IL12RB2: variants seen among roughly 807,000 people sequenced by gnomAD.
IL12RB2 encodes the protein interleukin 12 receptor subunit beta 2.
Under a neutral mutation model 89.4 loss-of-function variants are expected in IL12RB2, and 82 were observed. The ratio of observed to expected loss-of-function variants is 0.92; its 90% CI spans 0.77 to 1.10. The LOEUF (loss-of-function observed/expected upper bound fraction) is 1.10, where lower values mean the gene tolerates loss of function less well. Among genes scored for constraint, IL12RB2 ranks in the 50% least tolerant of loss-of-function variants. The pLI is 0.00. For synonymous variants in IL12RB2, 368 were observed against 370.1 expected (o/e 0.99, Z 0.07); for missense variants, 963 against 1,031.9 (o/e 0.93, Z 0.92).
intron 2 of IL12RB2, among the ~76,000 whole-genome samples, chr1:67,319,263 T>C (rs1288966060): frequency 6.6e-6 from 1 of 152,256 alleles, no homozygotes; most frequent in Non-Finnish European, 1.5e-5. Flanking sequence ...ACTTTATGAA[T>C]TTTTGGCCTA....
intron 6 of IL12RB2, among the ~76,000 whole-genome samples, chr1:67,329,001 A>G (rs1015005419): frequency 6.6e-6 from 1 of 152,114 alleles, no homozygotes; most frequent in East Asian, 1.9e-4. Context: ...ACCTCACACT[A>G]TGTGCTTCTC....
At chr1:67,312,967 G>A (rs3790559) in intron 1 of IL12RB2, among the ~76,000 whole-genome samples, 18,729 of 152,286 alleles carry the variant, frequency 0.12, 1,315 homozygotes, top group East Asian at 0.17. Context: ...AAAAGGTTAT[G>A]CATTTTACTT....
At chr1:67,350,800 T>C in intron 9 of IL12RB2, 70 bp from the exon 10 acceptor site, 10 of 1,591,506 alleles carry the variant, frequency 6.3e-6, no homozygotes, top group Non-Finnish European at 8.6e-6. Context: ...TCTGTACCCA[T>C]GAGGTCCAGG....
intron 15 of IL12RB2, among the ~76,000 whole-genome samples, chr1:67,388,251 G>A (rs1294021824): frequency 2.0e-5 from 3 of 152,148 alleles, no homozygotes; most frequent in Non-Finnish European, 2.9e-5. Flanking sequence ...GTGCATTGTC[G>A]TCCTAGTAAA....
At chr1:67,332,747 C>A (rs1056690456) in intron 8 of IL12RB2, among the ~76,000 whole-genome samples, 3 of 152,012 alleles carry the variant, frequency 2.0e-5, no homozygotes, top group Non-Finnish European at 4.4e-5. Context: ...TATTTTATAT[C>A]CAAGTTCAAG....
intron 16 of IL12RB2, among the ~76,000 whole-genome samples, chr1:67,392,207 G>T (rs1665905984): frequency 6.6e-6 from 1 of 152,116 alleles, no homozygotes; most frequent in Non-Finnish European, 1.5e-5. Flanking sequence ...GTATACATAT[G>T]CCCAAAGTTG....
intron 6 of IL12RB2, among the ~76,000 whole-genome samples, 196 bp downstream of exon 6, chr1:67,328,580 T>C (rs1383188422): frequency 6.6e-6 from 1 of 152,160 alleles, no homozygotes; most frequent in Non-Finnish European, 1.5e-5. Flanking sequence ...CTATACAAAG[T>C]GGGATGTTCA....
rs371931786 is a variant in IL12RB2 at position 67,372,604 on chromosome 1, C to T, written c.1559-21C>T. The T allele has an allele frequency of 3.9e-5, 63 of 1,612,986 alleles. No homozygotes were observed. The African/African-American group carries it at 5.3e-4, about 14-fold the overall frequency. On this transcript the variant is annotated intron_variant, in intron 12 of 16. Transcript: ENST00000674203. ...TTTGGATTTGGAGGGTGACAGAAGC[C>T]TCCTGTGCCCTACTTTACAGCACCA...
At chr1:67,388,154 C>T (rs539628812) in intron 15 of IL12RB2, among the ~76,000 whole-genome samples, 28 of 152,080 alleles carry the variant, frequency 1.8e-4, no homozygotes, top group African/African-American at 6.0e-4. Context: ...CAGCCTAAAA[C>T]GGCAATAAGA....
At position 67,395,661 on chromosome 1, in the gene IL12RB2, C is replaced by A. The variant is rs1183327683; in HGVS notation, c.2161C>A (p.Pro721Thr). Residue 721 changes from proline to threonine, a missense_variant, in exon 17 of 17, where the codon CCC becomes ACC. Transcript: ENST00000674203. ...LHQVTPVFRH[P>T]PCSNWPQREK... ...TCAAGTGACCCCAGTTTTCAGACAT[C>A]CCCCCTGCTCCAACTGGCCACAAAG... 1 of 1,613,992 alleles carries A rather than the reference C, an allele frequency of 6.2e-7. No homozygotes were observed. Among genetic ancestry groups the A allele is most frequent in the Non-Finnish European group, 8.5e-7 (1 of 1,179,972 alleles).
chr1:67,346,317 A>G (rs975688916), intron 9 of IL12RB2, among the ~76,000 whole-genome samples: 2 of 151,998 alleles, frequency 1.3e-5, no homozygotes, highest in African/African-American at 4.8e-5. Flanking sequence ...GCTAGTGGGA[A>G]AATAGATCCT....
At chr1:67,371,780 C>T (rs749945749) in intron 11 of IL12RB2, among the ~76,000 whole-genome samples, 1 of 152,160 alleles carries the variant, frequency 6.6e-6, no homozygotes, top group African/African-American at 2.4e-5. Flanking sequence ...TTTAAATCTT[C>T]CAGGCTGGGA....
At chr1:67,342,627 GTGTGAGGA>G (rs1471544965) in intron 9 of IL12RB2, among the ~76,000 whole-genome samples, 1 of 152,062 alleles carries the variant, frequency 6.6e-6, no homozygotes, top group African/African-American at 2.4e-5. Context: ...ATGTGTCAGT[GTGTGAGGA>G]TGTGAGGATG....
chr1:67,320,372 G>A lies in IL12RB2; in HGVS notation c.4G>A (p.Ala2Thr). The change falls in exon 3 of 17, where the codon GCA (alanine) becomes ACA (threonine). Residue 2 changes from alanine (A) to threonine (T), a missense_variant. Ala to Thr is a moderately conservative substitution (Grantham distance 58, BLOSUM62 0). Transcript: ENST00000674203. M[A>T]HTFRGCSLAF... is the part of the protein sequence containing the mutation. ...TCTATACCAGAGTTGATTGTTGATG[G>A]CACATACTTTTAGAGGATGCTCATT... 6.2e-7 allele frequency: 1 copy of A among 1,613,910 alleles called. No homozygotes were observed. The highest frequency in any genetic ancestry group is 8.5e-7 in the Non-Finnish European group (1 of 1,179,916).
intron 13 of IL12RB2, among the ~76,000 whole-genome samples, chr1:67,374,569 G>A (rs1018507797): frequency 4.0e-5 from 6 of 150,778 alleles, no homozygotes; most frequent in South Asian, 2.1e-4. Flanking sequence ...TCTACCTCCC[G>A]GGTTCAAGTG....
chr1:67,356,557 A>G (rs1363059032), intron 10 of IL12RB2, among the ~76,000 whole-genome samples: 1 of 152,186 alleles, frequency 6.6e-6, no homozygotes, highest in East Asian at 1.9e-4. Flanking sequence ...AGCAGTGCCT[A>G]CCACAGAGGT....
chr1:67,340,537 T>G (rs1659410265), intron 9 of IL12RB2, among the ~76,000 whole-genome samples: 1 of 152,232 alleles, frequency 6.6e-6, no homozygotes, highest in African/African-American at 2.4e-5. Context: ...TACAGGTATC[T>G]GCAAAGCTGA....
intron 9 of IL12RB2, among the ~76,000 whole-genome samples, chr1:67,346,167 G>A (rs1353895337): frequency 3.3e-5 from 5 of 152,138 alleles, no homozygotes; most frequent in African/African-American, 7.2e-5. Flanking sequence ...ATGTTCTTGG[G>A]CAAAGTGCTT....
intron 10 of IL12RB2, among the ~76,000 whole-genome samples, chr1:67,356,925 T>G (rs1469006543): frequency 6.6e-6 from 1 of 152,084 alleles, no homozygotes; most frequent in Non-Finnish European, 1.5e-5. Flanking sequence ...GTAAAAAGCA[T>G]CCTTAGAAAG....
Sources: gnomAD v4.1 joint callset for allele counts (sites outside exome capture counted in the v4.1 genomes callset) on GRCh38, gnomAD v4.1.1 for gene constraint, MANE v1.5 for transcripts, NCBI Gene and HGNC (gene_info 2026-07-23, HGNC 2026-07-21) for gene names.